Variants in ANXA8 observed in about 807,000 individuals in gnomAD.
The protein encoded by ANXA8 is annexin A8.
In ANXA8, 9 loss-of-function variants were observed where a neutral mutation model predicts 26.8. That is an observed-to-expected ratio of 0.34 (90% CI 0.20 to 0.59). ANXA8 has a LOEUF of 0.59. Ranked by LOEUF, ANXA8 falls within the 20% of genes least tolerant of loss-of-function variation. The pLI is 0.84. For synonymous variants in ANXA8, 39 were observed against 94.8 expected (o/e 0.41, Z 3.42); for missense variants, 83 against 238.5 (o/e 0.35, Z 4.29).
chr10:47,755,477 G>A, the ANXA8 span, among the ~76,000 whole-genome samples: 3 of 150,716 alleles, frequency 2.0e-5, no homozygotes, highest in Non-Finnish European at 2.9e-5. Flanking sequence ...GGATGGTCTC[G>A]ATCTCCTGAC....
the ANXA8 span, chr10:47,991,771 A>G: frequency 8.1e-6 from 13 of 1,608,658 alleles, no homozygotes; most frequent in South Asian, 1.3e-4. Context: ...GGGACTCCAC[A>G]TGTCTGGCTC....
chr10:47,651,763 T>C, the ANXA8 span, among the ~76,000 whole-genome samples: 1 of 151,880 alleles, frequency 6.6e-6, no homozygotes, highest in Non-Finnish European at 1.5e-5. Context: ...ACATGGTGGC[T>C]TATGCCTGTA....
chr10:47,552,962 T>G, the ANXA8 span, among the ~76,000 whole-genome samples: 2 of 151,620 alleles, frequency 1.3e-5, no homozygotes, highest in Non-Finnish European at 2.9e-5. Flanking sequence ...CAGAAGTGAG[T>G]CAGAGGCTTC....
chr10:47,501,437 C>T, the ANXA8 span, among the ~76,000 whole-genome samples: 1 of 139,114 alleles, frequency 7.2e-6, no homozygotes, highest in Non-Finnish European at 1.5e-5. Context: ...GGGCCTGGTA[C>T]GGTGGCTCAC....
the ANXA8 span, among the ~76,000 whole-genome samples, chr10:47,680,540 C>T: frequency 6.6e-5 from 10 of 151,448 alleles, no homozygotes; most frequent in Non-Finnish European, 1.3e-4. Flanking sequence ...GAGACTGAGG[C>T]GGGAGAATTG....
the ANXA8 span, among the ~76,000 whole-genome samples, chr10:47,584,225 G>A: frequency 6.7e-6 from 1 of 149,618 alleles, no homozygotes; most frequent in Admixed American, 6.6e-5. Context: ...AACACATGAT[G>A]AGATGGTCGA....
At chr10:47,655,953 G>A in the ANXA8 span, among the ~76,000 whole-genome samples, 1 of 152,016 alleles carries the variant, frequency 6.6e-6, no homozygotes, top group Non-Finnish European at 1.5e-5. Context: ...CTGGGAGGTG[G>A]AAGTTTCGGT....
At chr10:47,506,455 C>G in the ANXA8 span, among the ~76,000 whole-genome samples, 1 of 134,458 alleles carries the variant, frequency 7.4e-6, no homozygotes. Flanking sequence ...CTCAGCCTCC[C>G]AAGTAACTGG....
chr10:47,514,379 A>G, the ANXA8 span, among the ~76,000 whole-genome samples: 19 of 147,266 alleles, frequency 1.3e-4, no homozygotes, highest in East Asian at 3.8e-3. Flanking sequence ...AAAACCAAAT[A>G]TCATGTTCTC....
chr10:47,967,963 G>A, the ANXA8 span, among the ~76,000 whole-genome samples: 1 of 75,894 alleles, frequency 1.3e-5, no homozygotes, highest in Non-Finnish European at 4.0e-5. Context: ...GCAATCAACA[G>A]CATGGGTGCA....
the ANXA8 span, among the ~76,000 whole-genome samples, chr10:47,943,719 C>A: frequency 2.0e-5 from 3 of 151,306 alleles, no homozygotes; most frequent in Non-Finnish European, 4.4e-5. Context: ...CCAGGCCTTG[C>A]CCTCTGTTCC....
At chr10:47,492,969 C>T in the ANXA8 span, among the ~76,000 whole-genome samples, 4 of 151,270 alleles carry the variant, frequency 2.6e-5, no homozygotes, top group African/African-American at 9.8e-5. Context: ...GCCCTCCCAG[C>T]CTGGGACTCG....
At chr10:47,495,194 AAC>A in the ANXA8 span, among the ~76,000 whole-genome samples, 19 of 150,302 alleles carry the variant, frequency 1.3e-4, no homozygotes, top group Non-Finnish European at 1.6e-4. Context: ...ATGGAGGGGA[AAC>A]AGAGAAACAG....
the ANXA8 span, among the ~76,000 whole-genome samples, chr10:47,648,188 G>A: frequency 6.6e-6 from 1 of 150,600 alleles, no homozygotes; most frequent in Admixed American, 6.6e-5. Flanking sequence ...ACAGGAAAAG[G>A]AGATCTATTC....
upstream of ANXA8, among the ~76,000 whole-genome samples, chr10:47,487,850 T>A (rs1840074357): frequency 6.7e-6 from 1 of 149,892 alleles, no homozygotes; most frequent in South Asian, 2.1e-4. Flanking sequence ...GGCGCTGATT[T>A]TTTTGTCATA....
At chr10:47,687,699 A>C in the ANXA8 span, among the ~76,000 whole-genome samples, 3 of 151,948 alleles carry the variant, frequency 2.0e-5, no homozygotes, top group Non-Finnish European at 4.4e-5. Context: ...GCAATAGAAC[A>C]GCTAATATAC....
the ANXA8 span, among the ~76,000 whole-genome samples, chr10:47,769,999 G>A: frequency 6.6e-6 from 1 of 151,604 alleles, no homozygotes; most frequent in South Asian, 2.1e-4. Context: ...GAGCAAGTGT[G>A]TCAAGTGGCA....
At chr10:47,954,224 G>A in the ANXA8 span, among the ~76,000 whole-genome samples, 4 of 150,692 alleles carry the variant, frequency 2.7e-5, 1 homozygote, top group East Asian at 8.2e-4. Flanking sequence ...AAAAGAATAA[G>A]ATCCTGTCAT....
At chr10:47,554,200 G>T in the ANXA8 span, among the ~76,000 whole-genome samples, 1 of 109,390 alleles carries the variant, frequency 9.1e-6, no homozygotes, top group African/African-American at 4.0e-5. Context: ...GGTCCCTGTG[G>T]TCCCAGCTAC....
Sources: gnomAD v4.1 joint callset for allele counts (sites outside exome capture counted in the v4.1 genomes callset) on GRCh38, gnomAD v4.1.1 for gene constraint, MANE v1.5 for transcripts, NCBI Gene and HGNC (gene_info 2026-07-23, HGNC 2026-07-21) for gene names.